ACOX1: variants seen among roughly 807,000 people sequenced by gnomAD.
The protein encoded by ACOX1 is acyl-CoA oxidase 1.
A neutral mutation model predicts 75.5 loss-of-function variants in ACOX1; 41 were observed. That is an observed-to-expected ratio of 0.54 (90% CI 0.42 to 0.70). The LOEUF (loss-of-function observed/expected upper bound fraction) is 0.70. Among genes scored for constraint, ACOX1 ranks in the 30% least tolerant of loss-of-function variants. The pLI, the probability that ACOX1 is intolerant of heterozygous loss-of-function variation, is 0.00. For missense variants in ACOX1, 630 were observed against 837.5 expected (o/e 0.75, Z 3.06); for synonymous variants, 303 against 298.8 (o/e 1.01, Z -0.15).
At chr17:75,975,732 A>G (rs1329276889) in intron 2 of ACOX1, among the ~76,000 whole-genome samples, 1 of 152,034 alleles carries the variant, frequency 6.6e-6, no homozygotes, top group African/African-American at 2.4e-5. Context: ...TCACAAGGCC[A>G]GGAGTTCGAG....
intron 3 of ACOX1, among the ~76,000 whole-genome samples, chr17:75,958,619 T>C (rs1360625940): frequency 1.3e-5 from 2 of 151,608 alleles, no homozygotes; most frequent in South Asian, 2.1e-4. Flanking sequence ...CCATCCTGGT[T>C]AACACGGCGA....
Position 75,945,553 on chromosome 17 carries a change from A to G in ACOX1, c.*1195T>C, listed in dbSNP as rs1294640698. 1 of 153,520 alleles carries G rather than the reference A, an allele frequency of 6.5e-6. No homozygotes were observed. The highest frequency in any genetic ancestry group is 6.5e-5 in the Admixed American group (1 of 15,270). 9.5% of individuals were successfully genotyped at this position (153,520 alleles called of 1,614,324 possible). A position where few individuals can be genotyped will look rare whatever the true frequency, so the allele number is the denominator to read the frequency against. Reference sequence around the variant, plus strand: ...TGAGGCATATGGCGTAGATTAAAAAAAAACAAAACAAAGTGACTTACATTG... The same window carrying G: ...TGAGGCATATGGCGTAGATTAAAAAGAAACAAAACAAAGTGACTTACATTG... On this transcript the variant is annotated 3_prime_UTR_variant, in exon 14 of 14. Transcript: ENST00000293217.
chr17:75,951,432 G>A lies in ACOX1; in HGVS notation c.1090C>T (p.Leu364=), dbSNP rs1358818926. The A allele has an allele frequency of 6.2e-7, 1 of 1,614,104 alleles. No individual in the cohort carries two copies. The highest frequency in any genetic ancestry group is 1.1e-5 in the South Asian group (1 of 91,078). The change falls in exon 8 of 14, where the codon CTG becomes TTG. Residue 364 remains leucine (L), a synonymous_variant. Transcript: ENST00000293217. Reference sequence around the variant, plus strand: ...ACTCATACCTCAGGCAGTTCACTCAGGTCCCCTTGACCAATGCCTTCGTTA... The same window carrying A: ...ACTCATACCTCAGGCAGTTCACTCAAGTCCCCTTGACCAATGCCTTCGTTA... ...RINEGIGQGD[L]SELPELHALT... is the part of the protein sequence containing the mutation.
At chr17:75,952,842 A>G (rs111658989) in intron 7 of ACOX1, among the ~76,000 whole-genome samples, 5 of 151,392 alleles carry the variant, frequency 3.3e-5, no homozygotes, top group African/African-American at 7.3e-5. Flanking sequence ...AAAAAAAAAA[A>G]AAAAGAAAAG....
rs55994313 is a variant in ACOX1, at chr17:75,959,758, C to T, written c.430+457G>A. On this transcript the variant is annotated intron_variant, in intron 3 of 13. Transcript: ENST00000293217. ...ACAAATAACTCCAAAATGTCACACA[C>T]GTCAGTTATAAGCTACTCATTTCCC... 3.7e-3 allele frequency among the ~76,000 whole-genome samples: 570 copies of T among 152,236 alleles called. 2 individuals are homozygous for T. Among genetic ancestry groups the T allele is most frequent in the African/African-American group, 0.013 (535 of 41,542 alleles).
At position 75,946,618 on chromosome 17, in the gene ACOX1, TCCCTCCA is replaced by T; in HGVS notation, c.*123_*129del. On this transcript the variant is annotated 3_prime_UTR_variant, in exon 14 of 14. Transcript: ENST00000293217. ...TAATCTCTGAAATCTGTTCATTTTT[TCCCTCCA>T]TTTATAAAAAGGGGTCAATTTATCA... is the stretch of plus-strand genomic sequence containing the variant. The T allele has an allele frequency of 1.0e-5, 8 of 775,616 alleles. No homozygotes were observed. The Admixed American group carries it at 1.1e-4, about 10-fold the overall frequency. The allele number at this position is 775,616 out of a possible 1,614,324, so 48.0% of individuals were successfully genotyped here. A position where few individuals can be genotyped will look rare whatever the true frequency, so the allele number is the denominator to read the frequency against.
intron 3 of ACOX1, among the ~76,000 whole-genome samples, chr17:75,958,080 C>T (rs1036371996): frequency 5.9e-5 from 9 of 152,096 alleles, no homozygotes; most frequent in East Asian, 1.9e-4. Flanking sequence ...TATGGCTGTG[C>T]GTGGTGGCTC....
Position 75,960,114 on chromosome 17 carries a change from T to G in ACOX1, c.430+101A>C. ...AGAAAGAGCTCATTTAAACAGACCA[T>G]AGAACATCGACACACCATCGATGGC... On this transcript the variant is annotated intron_variant, in intron 3 of 13. Coordinates refer to ENST00000293217, the MANE Select transcript of ACOX1 (RefSeq NM_004035.7). The surrounding 1 kb of genome is among the most constrained non-coding windows in gnomAD (Gnocchi z 4.4). 6.8e-7 allele frequency: 1 copy of G among 1,465,886 alleles called. No individual in the cohort carries two copies. Among genetic ancestry groups the G allele is most frequent in the Non-Finnish European group, 9.4e-7 (1 of 1,058,294 alleles). 90.8% of individuals were successfully genotyped at this position (1,465,886 alleles called of 1,614,324 possible). A position where few individuals can be genotyped will look rare whatever the true frequency, so the allele number is the denominator to read the frequency against.
At chr17:75,951,706 T>A (rs2065775756) in intron 7 of ACOX1, 129 bp from the exon 8 acceptor site, 1 of 861,396 alleles carries the variant, frequency 1.2e-6, no homozygotes, top group Admixed American at 2.2e-5. Flanking sequence ...TGTGAGGTAG[T>A]TACTATTACT....
chr17:75,953,274 T>C, intron 7 of ACOX1, 177 bp downstream of exon 7: 1 of 648,866 alleles, frequency 1.5e-6, no homozygotes, highest in Non-Finnish European at 2.7e-6. Flanking sequence ...GGGTGGTTAT[T>C]TCTGTCTTTC....
chr17:75,976,256 C>G (rs2066049324), intron 2 of ACOX1, among the ~76,000 whole-genome samples: 2 of 152,150 alleles, frequency 1.3e-5, no homozygotes, highest in Admixed American at 1.3e-4. Context: ...ATACACAAAA[C>G]AACTTCCCGG....
chr17:75,967,619 CATATAT>C (rs147825726), intron 2 of ACOX1, among the ~76,000 whole-genome samples: 2 of 131,288 alleles, frequency 1.5e-5, no homozygotes, highest in Admixed American at 7.5e-5. Context: ...TATATACATA[CATATAT>C]ATATACATAC....
intron 2 of ACOX1, among the ~76,000 whole-genome samples, chr17:75,970,821 A>G (rs1203139403): frequency 6.6e-6 from 1 of 152,236 alleles, no homozygotes; most frequent in Non-Finnish European, 1.5e-5. Flanking sequence ...TCCATATAAG[A>G]TAAAACCGTC....
At chr17:75,972,558 G>A (rs57961687) in intron 2 of ACOX1, among the ~76,000 whole-genome samples, 26,276 of 148,372 alleles carry the variant, frequency 0.18, 2,720 homozygotes, top group African/African-American at 0.3. Flanking sequence ...GGGCAGGAGA[G>A]TCACTTGAAC....
rs2144226791 is a variant in ACOX1, at chr17:75,946,481, G to A, written c.*267C>T. ...ATTATCAAAAGTCATAGTCTACTGG[G>A]ATCAGCAGCATTACAAAAGGAAGTC... is the stretch of plus-strand genomic sequence containing the variant. On this transcript the variant is annotated 3_prime_UTR_variant, in exon 14 of 14. Transcript: ENST00000293217. The A allele has an allele frequency of 8.8e-6, 4 of 456,250 alleles. No homozygotes were observed. Among genetic ancestry groups the A allele is most frequent in the South Asian group, 8.5e-5 (4 of 47,292 alleles). 28.3% of individuals were successfully genotyped at this position (456,250 alleles called of 1,614,324 possible).
Position 75,955,609 on chromosome 17 carries a change from T to C in ACOX1, c.731A>G (p.Asn244Ser), listed in dbSNP as rs752885559. The stretch of plus-strand genomic sequence containing the variant: ...CATGTTTTCTCTGGGAATACGATGG[T>C]TGTCCATTTTGAGGTAGCCATTGTC... ...EIDNGYLKMD[N>S]HRIPRENMLM... The change falls in exon 6 of 14, where the codon AAC becomes AGC. Residue 244 changes from asparagine to serine, a missense_variant. Physicochemically the swap from Asn to Ser is conservative, Grantham distance 46. Around this residue, in one of 2 missense-constraint regions of ACOX1, gnomAD observed 390 missense variants for 574.9 expected, o/e 0.68. Coordinates refer to ENST00000293217, the MANE Select transcript of ACOX1 (RefSeq NM_004035.7). The C allele has an allele frequency of 3.1e-6, 5 of 1,614,188 alleles. No individual in the cohort carries two copies. Among genetic ancestry groups the C allele is most frequent in the East Asian group, 4.5e-5 (2 of 44,892 alleles).
intron 12 of ACOX1, 121 bp downstream of exon 12, chr17:75,949,096 T>A (rs2065749317): frequency 8.7e-7 from 1 of 1,145,426 alleles, no homozygotes; most frequent in Non-Finnish European, 1.3e-6. Context: ...CCTCAAGTGA[T>A]CACCGTACCC....
At position 75,957,008 on chromosome 17, in the gene ACOX1, T is replaced by TACACAC. The variant is rs1202955138; in HGVS notation, c.538+445_538+450dup. On this transcript the variant is annotated intron_variant, in intron 4 of 13. Transcript: ENST00000293217. ...ATATATATATATATATATATATATA[T>TACACAC]ACACACACACACCTCTCTCTGTCTA... Among the ~76,000 whole-genome samples, 155 of 110,164 alleles carry TACACAC rather than the reference T, an allele frequency of 1.4e-3. 3 individuals are homozygous for TACACAC. The highest frequency in any genetic ancestry group is 3.2e-3 in the African/African-American group (84 of 26,648). The allele number at this position is 110,164 out of a possible 152,430, so 72.3% of individuals were successfully genotyped here.
At chr17:75,946,876 G>GTTT in intron 13 of ACOX1, 81 bp from the exon 14 acceptor site, 9 of 1,202,588 alleles carry the variant, frequency 7.5e-6, no homozygotes, top group African/African-American at 4.7e-5. Flanking sequence ...TTTTGTTTTT[G>GTTT]TTTTTTTTTT....
Sources: allele counts gnomAD v4.1 joint callset (sites outside exome capture counted in the v4.1 genomes callset), GRCh38; gene constraint gnomAD v4.1.1; regional missense constraint gnomAD v4.1.1; non-coding constraint Gnocchi (gnomAD v3.1); transcripts MANE v1.5; gene names NCBI Gene and HGNC (gene_info 2026-07-23, HGNC 2026-07-21).